Variants in DNAH14 observed in about 807,000 individuals in gnomAD.
The protein encoded by DNAH14 is dynein axonemal heavy chain 14, also known as axonemal beta dynein heavy chain 14.
Under a neutral mutation model 520.9 loss-of-function variants are expected in DNAH14, and 478 were observed. The ratio of observed to expected loss-of-function variants is 0.92; its 90% CI spans 0.85 to 0.99. DNAH14 has a LOEUF of 0.99. Ranked by LOEUF, DNAH14 falls within the 50% of genes least tolerant of loss-of-function variation. DNAH14 has a pLI of 0.00. For missense variants in DNAH14, 4,831 were observed against 5,234.5 expected (o/e 0.92, Z 2.38); for synonymous variants, 1,581 against 1,757.2 (o/e 0.90, Z 2.51).
At chr1:224,984,038 A>G (rs2062452992) in intron 8 of DNAH14, among the ~76,000 whole-genome samples, 1 of 152,214 alleles carries the variant, frequency 6.6e-6, no homozygotes, top group Non-Finnish European at 1.5e-5. Flanking sequence ...GTTAGGAAAA[A>G]CAATTCTAAA....
intron 23 of DNAH14, among the ~76,000 whole-genome samples, chr1:225,103,956 C>CAACA (rs2075773911): frequency 1.4e-5 from 2 of 138,480 alleles, no homozygotes; most frequent in Non-Finnish European, 3.1e-5. Context: ...AGAGGGCATC[C>CAACA]CTGTCTTGTG....
intron 27 of DNAH14, among the ~76,000 whole-genome samples, chr1:225,137,960 C>T (rs1252829170): frequency 6.6e-6 from 1 of 152,158 alleles, no homozygotes; most frequent in Non-Finnish European, 1.5e-5. Context: ...ACTGGAGACC[C>T]CCCTAGTGAG....
chr1:225,178,824 C>T (rs2083637590), intron 36 of DNAH14, among the ~76,000 whole-genome samples: 1 of 152,134 alleles, frequency 6.6e-6, no homozygotes, highest in Non-Finnish European at 1.5e-5. Context: ...ACCCGTATCT[C>T]ATCTTGAATT....
intron 80 of DNAH14, 80 bp downstream of exon 80, chr1:225,380,402 T>C (rs2095764786): frequency 1.4e-6 from 2 of 1,418,152 alleles, no homozygotes; most frequent in Admixed American, 3.0e-5. Context: ...AAGGTAAAGA[T>C]AAGACAAAAA....
chr1:224,950,196 C>T (rs992607428), intron 1 of DNAH14, among the ~76,000 whole-genome samples: 8 of 151,962 alleles, frequency 5.3e-5, no homozygotes, highest in African/African-American at 1.4e-4. Context: ...TAAGTCCCTT[C>T]GTTGTTTTGA....
At chr1:225,025,156 G>A (rs1227436277) in intron 11 of DNAH14, among the ~76,000 whole-genome samples, 2 of 151,248 alleles carry the variant, frequency 1.3e-5, no homozygotes, top group East Asian at 3.9e-4. Flanking sequence ...TAGGCAACAT[G>A]GCGAGACCCT....
chr1:224,967,444 A>G lies in DNAH14; in HGVS notation c.512A>G (p.Asp171Gly). Residue 171 changes from aspartate (D) to glycine (G), a missense_variant, in exon 6 of 86, where the codon GAT becomes GGT. Asp to Gly is a moderately conservative substitution (Grantham distance 94, BLOSUM62 -1). Transcript: ENST00000682510. The stretch of plus-strand genomic sequence containing the variant: ...TTTTAATCTCAGAAACCTTTGGAAG[A>G]TGATGGAGAATTTGTTTATTGCCTT... ...QKITLKKPLEDDGEFVYCLPR... is the reference protein window; with the variant it reads ...QKITLKKPLEGDGEFVYCLPR... 6.4e-7 allele frequency: 1 copy of G among 1,553,468 alleles called. No homozygotes were observed. The highest frequency in any genetic ancestry group is 8.6e-7 in the Non-Finnish European group (1 of 1,157,992).
intron 40 of DNAH14, 122 bp from the exon 41 acceptor site, chr1:225,206,846 A>G: frequency 1.1e-6 from 1 of 889,112 alleles, no homozygotes; most frequent in Non-Finnish European, 1.6e-6. Context: ...CCCTTTAATG[A>G]ATGACAATTC....
In DNAH14 at chr1:225,206,013, C is replaced by T. The variant is rs367559558; in HGVS notation, c.6020C>T (p.Thr2007Ile). 34 of 1,551,560 alleles carry T rather than the reference C, an allele frequency of 2.2e-5. No homozygotes were observed. The African/African-American group carries it at 4.2e-4, about 19-fold the overall frequency. The change falls in exon 40 of 86, where the codon ACC becomes ATC. Residue 2007 changes from threonine (T) to isoleucine (I), a missense_variant. Physicochemically the swap from Thr to Ile is moderately conservative, Grantham distance 89. Transcript: ENST00000682510. The part of the protein sequence containing the change: ...QWIILDGPVD[T>I]FWVENLNSVL... ...ATTATCCTAGATGGCCCAGTGGACA[C>T]CTTTTGGGTAGAAAATCTGAACTCT...
chr1:225,336,928 A>G (rs1558445816), intron 66 of DNAH14, among the ~76,000 whole-genome samples: 2 of 152,176 alleles, frequency 1.3e-5, no homozygotes, highest in Non-Finnish European at 2.9e-5. Context: ...GTATATTTGT[A>G]TATTCTATTT....
intron 10 of DNAH14, among the ~76,000 whole-genome samples, chr1:225,022,907 C>A (rs906934586): frequency 6.6e-6 from 1 of 152,078 alleles, no homozygotes; most frequent in Non-Finnish European, 1.5e-5. Flanking sequence ...GAATACCACC[C>A]AGCCATGAAA....
Position 225,206,021 on chromosome 1 carries a change from G to A in DNAH14, c.6028G>A (p.Val2010Ile), listed in dbSNP as rs1227139885. 4 of 1,551,600 alleles carry A rather than the reference G, an allele frequency of 2.6e-6. No homozygotes were observed. The highest frequency in any genetic ancestry group is 2.4e-5 in the South Asian group (2 of 84,052). Residue 2010 changes from valine to isoleucine, a missense_variant, in exon 40 of 86, where the codon GTA becomes ATA. Coordinates refer to ENST00000682510, the MANE Select transcript of DNAH14 (RefSeq NM_001367479.1). Reference protein sequence around the residue: ...ILDGPVDTFWVENLNSVLDDT... With the variant: ...ILDGPVDTFWIENLNSVLDDT... ...AGATGGCCCAGTGGACACCTTTTGG[G>A]TAGAAAATCTGAACTCTGTGCTAGA...
At chr1:225,072,618 TGA>T (rs1558864085) in intron 17 of DNAH14, among the ~76,000 whole-genome samples, 1 of 152,236 alleles carries the variant, frequency 6.6e-6, no homozygotes, top group Non-Finnish European at 1.5e-5. Flanking sequence ...TCTGGCTTTT[TGA>T]GTTTTTAGCA....
chr1:225,300,154 A>G (rs185757370), intron 55 of DNAH14, among the ~76,000 whole-genome samples: 2 of 152,296 alleles, frequency 1.3e-5, no homozygotes, highest in East Asian at 1.9e-4. Flanking sequence ...TTAAATTAAA[A>G]TAATCCTTCA....
At chr1:225,168,986 G>C (rs1015933318) in intron 36 of DNAH14, among the ~76,000 whole-genome samples, 1 of 152,152 alleles carries the variant, frequency 6.6e-6, no homozygotes, top group Non-Finnish European at 1.5e-5. Flanking sequence ...AACATCTGCT[G>C]TTCCCCAATA....
At chr1:225,033,792 G>A (rs1045250562) in intron 11 of DNAH14, among the ~76,000 whole-genome samples, 1 of 151,974 alleles carries the variant, frequency 6.6e-6, no homozygotes, top group Non-Finnish European at 1.5e-5. Flanking sequence ...CACCTCCCTG[G>A]TTAGCTGTAT....
At chr1:225,314,503 C>T (rs1455962044) in intron 60 of DNAH14, among the ~76,000 whole-genome samples, 3 of 151,990 alleles carry the variant, frequency 2.0e-5, no homozygotes, top group South Asian at 2.1e-4. Context: ...TTTTTTTGCC[C>T]GTTAGTTGAT....
intron 38 of DNAH14, among the ~76,000 whole-genome samples, chr1:225,193,770 G>A (rs2085754629): frequency 6.6e-6 from 1 of 152,078 alleles, no homozygotes; most frequent in Non-Finnish European, 1.5e-5. Context: ...ATCTCTGTTT[G>A]CAGACAATAT....
At chr1:225,371,945 A>G (rs536359965) in intron 77 of DNAH14, among the ~76,000 whole-genome samples, 16 of 152,204 alleles carry the variant, frequency 1.1e-4, no homozygotes, top group Non-Finnish European at 2.4e-4. Flanking sequence ...TGCTTTATCT[A>G]AATTATTTAA....
Sources: allele counts gnomAD v4.1 joint callset (sites outside exome capture counted in the v4.1 genomes callset), GRCh38; gene constraint gnomAD v4.1.1; transcripts MANE v1.5; gene names NCBI Gene and HGNC (gene_info 2026-07-23, HGNC 2026-07-21).